The following TMEM244 variants were observed in gnomAD, a reference collection of about 807,000 sequenced individuals.
TMEM244 encodes putative transmembrane protein 244.
Under a neutral mutation model 15.8 loss-of-function variants are expected in TMEM244, and 13 were observed. That is an observed-to-expected ratio of 0.82 (90% CI 0.53 to 1.30). TMEM244 has a LOEUF of 1.30. Ranked by LOEUF, TMEM244 falls within the 50% of genes most tolerant of loss-of-function variation. The probability of loss-of-function intolerance (pLI) is 0.00; values close to 1 mark genes in which losing one functional copy is unlikely to be tolerated. For missense variants in TMEM244, 161 were observed against 144.9 expected (o/e 1.11, Z -0.57); for synonymous variants, 45 against 48.7 (o/e 0.92, Z 0.32).
intron 1 of TMEM244, among the ~76,000 whole-genome samples, chr6:129,847,970 A>G (rs1325205951): frequency 6.6e-6 from 1 of 151,274 alleles, no homozygotes; most frequent in Non-Finnish European, 1.5e-5. Flanking sequence ...GTCGGGGTTT[A>G]TCCATGTTGG....
At chr6:129,854,131 G>T (rs964074823) in intron 1 of TMEM244, among the ~76,000 whole-genome samples, 1 of 152,162 alleles carries the variant, frequency 6.6e-6, no homozygotes, top group Admixed American at 6.6e-5. Context: ...TTTAAGAAGG[G>T]ACTGGGAGGA....
rs531528080 is a variant in TMEM244, at chr6:129,857,358, A to G, written c.33+3798T>C. Reference sequence around the variant, plus strand: ...CACACACACATATATATATACATATATAAATTATTTTTTTTGAGATGGAGT... The same window carrying G: ...CACACACACATATATATATACATATGTAAATTATTTTTTTTGAGATGGAGT... On this transcript the variant is annotated intron_variant, in intron 1 of 4. Coordinates refer to ENST00000368143, the MANE Select transcript of TMEM244 (RefSeq NM_001010876.2). Among the ~76,000 whole-genome samples, 11 of 151,922 alleles carry G rather than the reference A, an allele frequency of 7.2e-5. No homozygotes were observed. In the South Asian group the frequency reaches 2.1e-3, roughly 29 times the overall value.
chr6:129,837,638 TAA>T (rs771439371), intron 3 of TMEM244, among the ~76,000 whole-genome samples: 2 of 152,244 alleles, frequency 1.3e-5, no homozygotes, highest in South Asian at 4.1e-4. Context: ...GCAAATTGGA[TAA>T]AGAGTCAAGA....
Position 129,833,612 on chromosome 6 carries a change from A to T in TMEM244, c.194-27T>A, listed in dbSNP as rs574800551. The stretch of plus-strand genomic sequence containing the variant: ...TGCAAATACAAGGAAGAATATAATT[A>T]TTGAGGACTAGAGCAATGAACATTC... On this transcript the variant is annotated intron_variant, in intron 3 of 4. Transcript: ENST00000368143. The T allele has an allele frequency of 7.5e-6, 12 of 1,605,384 alleles. No individual in the cohort carries two copies. The African/African-American group carries it at 1.1e-4, about 14-fold the overall frequency.
At chr6:129,846,618 C>G (rs1369454736) in intron 1 of TMEM244, among the ~76,000 whole-genome samples, 1 of 152,122 alleles carries the variant, frequency 6.6e-6, no homozygotes, top group Non-Finnish European at 1.5e-5. Flanking sequence ...TGTATTTTAA[C>G]TTGACAAAAT....
chr6:129,854,602 G>GA (rs1285659665), intron 1 of TMEM244, among the ~76,000 whole-genome samples: 1 of 152,026 alleles, frequency 6.6e-6, no homozygotes, highest in Non-Finnish European at 1.5e-5. Flanking sequence ...TCTTACAGAT[G>GA]AAAAAACAGA....
At chr6:129,850,690 A>G (rs1040458735) in intron 1 of TMEM244, among the ~76,000 whole-genome samples, 2 of 152,182 alleles carry the variant, frequency 1.3e-5, no homozygotes, top group African/African-American at 4.8e-5. Flanking sequence ...AATTAATTCT[A>G]ATATTTATTT....
At chr6:129,848,551 T>C (rs892941646) in intron 1 of TMEM244, among the ~76,000 whole-genome samples, 10 of 151,984 alleles carry the variant, frequency 6.6e-5, no homozygotes. Flanking sequence ...TGGAAATAGC[T>C]AAAAGCCCTC....
At chr6:129,861,033 TG>T in intron 1 of TMEM244, 122 bp downstream of exon 1, 1 of 1,033,738 alleles carries the variant, frequency 9.7e-7, no homozygotes, top group Non-Finnish European at 1.5e-6. Context: ...GTTTTCTGTA[TG>T]GTACCCAGCC....
At chr6:129,860,104 C>CGTGTGTGTGT (rs757397083) in intron 1 of TMEM244, among the ~76,000 whole-genome samples, 12 of 140,604 alleles carry the variant, frequency 8.5e-5, no homozygotes, top group South Asian at 2.4e-4. Context: ...CTCTGCAATG[C>CGTGTGTGTGT]GTGTGTGTGT....
chr6:129,844,154 A>G (rs1045425945), intron 2 of TMEM244, among the ~76,000 whole-genome samples: 1 of 152,210 alleles, frequency 6.6e-6, no homozygotes, highest in African/African-American at 2.4e-5. Context: ...AAACCTGCTA[A>G]GCAGAAAAAA....
chr6:129,835,571 CA>C (rs1776393099), intron 3 of TMEM244, among the ~76,000 whole-genome samples: 1 of 152,078 alleles, frequency 6.6e-6, no homozygotes, highest in South Asian at 2.1e-4. Flanking sequence ...GGGTGCAGCC[CA>C]TGGAGGGCAA....
At chr6:129,860,145 G>GTC (rs1554208585) in intron 1 of TMEM244, among the ~76,000 whole-genome samples, 2,373 of 129,072 alleles carry the variant, frequency 0.018, 30 homozygotes, top group African/African-American at 0.043. Flanking sequence ...GTGTGTGTGT[G>GTC]TGTCTGTCTG....
intron 2 of TMEM244, among the ~76,000 whole-genome samples, chr6:129,844,013 G>T (rs1302640380): frequency 1.3e-5 from 2 of 152,096 alleles, no homozygotes; most frequent in Non-Finnish European, 2.9e-5. Context: ...TTAACATTAA[G>T]TGAGCTACTG....
At chr6:129,848,424 A>G (rs987037881) in intron 1 of TMEM244, among the ~76,000 whole-genome samples, 1 of 152,220 alleles carries the variant, frequency 6.6e-6, no homozygotes, top group African/African-American at 2.4e-5. Context: ...TGACATCATG[A>G]CTGCGCTTCC....
chr6:129,834,489 C>G (rs1232781171), intron 3 of TMEM244, among the ~76,000 whole-genome samples: 1 of 138,066 alleles, frequency 7.2e-6, no homozygotes, highest in Admixed American at 7.1e-5. Context: ...TAAGCAAACT[C>G]TATATTTTTC....
chr6:129,856,471 G>A (rs991102102), intron 1 of TMEM244, among the ~76,000 whole-genome samples: 5 of 152,048 alleles, frequency 3.3e-5, no homozygotes, highest in Non-Finnish European at 7.4e-5. Flanking sequence ...ACACATGCAT[G>A]CACACACAGG....
chr6:129,852,782 A>G (rs1279490535), intron 1 of TMEM244, among the ~76,000 whole-genome samples: 1 of 152,122 alleles, frequency 6.6e-6, no homozygotes, highest in African/African-American at 2.4e-5. Context: ...GGTGCCAGCC[A>G]CAAACCATTC....
intron 1 of TMEM244, among the ~76,000 whole-genome samples, chr6:129,850,538 A>G (rs1476414224): frequency 6.6e-6 from 1 of 152,218 alleles, no homozygotes; most frequent in Non-Finnish European, 1.5e-5. Flanking sequence ...ATGGACAATA[A>G]GAGGAGCAGG....
Sources: gnomAD v4.1 joint callset for allele counts (sites outside exome capture counted in the v4.1 genomes callset) on GRCh38, gnomAD v4.1.1 for gene constraint, MANE v1.5 for transcripts, NCBI Gene and HGNC (gene_info 2026-07-23, HGNC 2026-07-21) for gene names.